Variants in LARP4 observed in about 807,000 individuals in gnomAD.
LARP4 encodes La ribonucleoprotein 4, also known as la-related protein 4.
Under a neutral mutation model 92.9 loss-of-function variants are expected in LARP4, and 29 were observed. The observed-to-expected ratio is 0.31, with a 90% CI of 0.23 to 0.43. The LOEUF is 0.43. Ranked by LOEUF, LARP4 falls within the 20% of genes least tolerant of loss-of-function variation. The pLI is 1.00. For synonymous variants in LARP4, 279 were observed against 284.1 expected (o/e 0.98, Z 0.18); for missense variants, 732 against 860.0 (o/e 0.85, Z 1.86).
At chr12:50,448,992 G>A (rs916360808) in intron 8 of LARP4, among the ~76,000 whole-genome samples, 3 of 151,936 alleles carry the variant, frequency 2.0e-5, no homozygotes, top group African/African-American at 7.3e-5. Context: ...GCTCGTTCCT[G>A]TAATTCCAGC....
At chr12:50,462,543 C>CGG in intron 11 of LARP4, 39 bp from the exon 12 acceptor site, 3 of 1,044,726 alleles carry the variant, frequency 2.9e-6, no homozygotes, top group South Asian at 1.3e-5. Flanking sequence ...TGACTTGTCC[C>CGG]TCCACCCCAC....
chr12:50,449,446 T>C (rs1952759138), intron 8 of LARP4, among the ~76,000 whole-genome samples: 1 of 152,168 alleles, frequency 6.6e-6, no homozygotes, highest in Admixed American at 6.6e-5. Context: ...AATTGGTCGC[T>C]AGATCTTTTT....
intron 13 of LARP4, among the ~76,000 whole-genome samples, chr12:50,469,432 G>A (rs1321641546): frequency 2.6e-5 from 4 of 151,884 alleles, no homozygotes; most frequent in African/African-American, 4.8e-5. Context: ...GTGAAACTCC[G>A]TCTCTACTAG....
intron 1 of LARP4, among the ~76,000 whole-genome samples, chr12:50,423,481 C>T (rs917448037): frequency 1.3e-5 from 2 of 152,072 alleles, no homozygotes; most frequent in African/African-American, 4.8e-5. Flanking sequence ...CGGAGTCTTG[C>T]TCTGTTGCCC....
chr12:50,474,019 A>T lies in LARP4; in HGVS notation c.1688A>T (p.Asp563Val). 2 of 1,611,934 alleles carry T rather than the reference A, an allele frequency of 1.2e-6. No homozygotes were observed. The highest frequency in any genetic ancestry group is 1.7e-6 in the Non-Finnish European group (2 of 1,179,890). ...TALSTTQQEK[D>V]LIEDSSVQKD... ...CTTAGCACAACTCAGCAAGAAAAGG[A>T]TCTAATAGAAGATTCCTCTGTTCAG... Residue 563 changes from aspartate (D) to valine (V), a missense_variant, in exon 15 of 16, where the codon GAT becomes GTT. Around this residue, in one of 7 missense-constraint regions of LARP4, gnomAD observed 97 missense variants for 85.9 expected, o/e 1.13. Transcript: ENST00000398473.
chr12:50,412,499 C>G, intron 1 of LARP4: 1 of 773,992 alleles, frequency 1.3e-6, no homozygotes, highest in Non-Finnish European at 1.6e-6. Flanking sequence ...ACGGTTTTAC[C>G]ATATTTATGG....
At chr12:50,453,745 G>C (rs1328757955) in intron 9 of LARP4, 73 bp downstream of exon 9, 1 of 964,774 alleles carries the variant, frequency 1.0e-6, no homozygotes, top group Non-Finnish European at 1.5e-6. Context: ...ATCAGTTGGA[G>C]TGGGAGCTCA....
At position 50,475,763 on chromosome 12, in the gene LARP4, A is replaced by T; in HGVS notation, c.2074A>T (p.Ile692Phe). The T allele has an allele frequency of 1.2e-6, 2 of 1,614,186 alleles. No homozygotes were observed. The highest frequency in any genetic ancestry group is 1.7e-6 in the Non-Finnish European group (2 of 1,180,038). Reference sequence around the variant, plus strand: ...AATCCCCAGGGGAGCAGCAGGAAAAATCAGGGAACAGAGACGCCAGTTTAG... The same window carrying T: ...AATCCCCAGGGGAGCAGCAGGAAAATTCAGGGAACAGAGACGCCAGTTTAG... ...NIIPRGAAGK[I>F]REQRRQFSHR... Residue 692 changes from isoleucine (I) to phenylalanine (F), a missense_variant, in exon 16 of 16, where the codon ATC becomes TTC. Coordinates refer to ENST00000398473, the MANE Select transcript of LARP4 (RefSeq NM_052879.5).
At chr12:50,448,505 G>A (rs963263356) in intron 8 of LARP4, among the ~76,000 whole-genome samples, 1 of 152,070 alleles carries the variant, frequency 6.6e-6, no homozygotes, top group Non-Finnish European at 1.5e-5. Context: ...AATAAATTAA[G>A]ATTTGTATCT....
chr12:50,455,795 T>C (rs1390417364), intron 10 of LARP4, among the ~76,000 whole-genome samples: 1 of 152,160 alleles, frequency 6.6e-6, no homozygotes, highest in African/African-American at 2.4e-5. Context: ...ATTTTACTAC[T>C]AAACATAAAC....
intron 8 of LARP4, among the ~76,000 whole-genome samples, chr12:50,451,662 C>A (rs1322713803): frequency 1.3e-5 from 2 of 152,166 alleles, no homozygotes; most frequent in Non-Finnish European, 2.9e-5. Flanking sequence ...GGGTGAAACC[C>A]CGTCTCTACT....
chr12:50,402,927 A>G lies in LARP4; in HGVS notation c.18+1899A>G, dbSNP rs78770116. ...TTCTTCATTTTCTCATATGAGTTTT[A>G]TTGAAAATTAACTGTCTTTAAATAT... On this transcript the variant is annotated intron_variant, in intron 1 of 15. Coordinates refer to ENST00000398473, the MANE Select transcript of LARP4 (RefSeq NM_052879.5). 9.0e-4 allele frequency: 355 copies of G among 395,916 alleles called. 1 individual carries two copies. The highest frequency in any genetic ancestry group is 6.9e-3 in the African/African-American group (330 of 47,562). 24.5% of individuals were successfully genotyped at this position (395,916 alleles called of 1,614,324 possible). A position where few individuals can be genotyped will look rare whatever the true frequency, so the allele number is the denominator to read the frequency against.
At chr12:50,440,875 G>A (rs1343505380) in intron 7 of LARP4, among the ~76,000 whole-genome samples, 2 of 150,982 alleles carry the variant, frequency 1.3e-5, no homozygotes, top group African/African-American at 4.9e-5. Context: ...ATTTTGACTT[G>A]ATGGTTTTAT....
Position 50,400,901 on chromosome 12 carries a change from G to T in LARP4, c.-110G>T. ...CAGGGGAGGAGCCGGGTCCACTGCC[G>T]GGTGGAGGGGCAAGGCGAGTGTGTG... On this transcript the variant is annotated 5_prime_UTR_variant, in exon 1 of 16. Transcript: ENST00000398473. 4 of 1,486,156 alleles carry T rather than the reference G, an allele frequency of 2.7e-6. No homozygotes were observed. The Admixed American group carries it at 6.7e-5, about 25-fold the overall frequency. 92.1% of individuals were successfully genotyped at this position (1,486,156 alleles called of 1,614,324 possible).
chr12:50,425,773 G>A (rs960536204), intron 1 of LARP4, among the ~76,000 whole-genome samples: 6 of 152,122 alleles, frequency 3.9e-5, no homozygotes, highest in Admixed American at 1.3e-4. Flanking sequence ...CTACTAGTTT[G>A]TCACTGGAAC....
intron 1 of LARP4, chr12:50,402,786 A>C (rs1326660289): frequency 2.2e-6 from 1 of 455,806 alleles, no homozygotes; most frequent in Non-Finnish European, 4.4e-6. Flanking sequence ...ACGGGATGTT[A>C]GCAATTCAGG....
Position 50,441,621 on chromosome 12 carries a change from C to T in LARP4, c.782C>T (p.Thr261Ile). 6.2e-7 allele frequency: 1 copy of T among 1,600,496 alleles called. No individual in the cohort carries two copies. Reference protein sequence around the residue: ...AFKYLREEVKTFQGKPIMARI... With the variant: ...AFKYLREEVKIFQGKPIMARI... ...AAATACTTAAGAGAAGAAGTTAAAA[C>T]ATTTCAGGGCAAGCCAATTATGGTA... Residue 261 changes from threonine (T) to isoleucine (I), a missense_variant, in exon 8 of 16, where the codon ACA (threonine) becomes ATA (isoleucine). By Grantham distance (89) the Thr-to-Ile change is moderately conservative. This residue lies in a region of LARP4 where 236 missense variants were observed against 307.6 expected (regional missense o/e 0.77). Coordinates refer to ENST00000398473, the MANE Select transcript of LARP4 (RefSeq NM_052879.5).
chr12:50,400,916 G>A lies in LARP4; in HGVS notation c.-95G>A. The A allele has an allele frequency of 1.3e-6, 2 of 1,563,548 alleles. No homozygotes were observed. The highest frequency in any genetic ancestry group is 2.2e-5 in the East Asian group (1 of 44,634). ...GTCCACTGCCGGGTGGAGGGGCAAG[G>A]CGAGTGTGTGTCCTTATCCTAGCAA... On this transcript the variant is annotated 5_prime_UTR_variant, in exon 1 of 16. Transcript: ENST00000398473.
intron 1 of LARP4, among the ~76,000 whole-genome samples, chr12:50,403,082 C>T (rs1944168910): frequency 1.3e-5 from 2 of 152,204 alleles, no homozygotes; most frequent in African/African-American, 2.4e-5. Context: ...AACCAAAGCT[C>T]AGAAGTTAGA....
Sources: allele counts gnomAD v4.1 joint callset (sites outside exome capture counted in the v4.1 genomes callset), GRCh38; gene constraint gnomAD v4.1.1; regional missense constraint gnomAD v4.1.1; transcripts MANE v1.5; gene names NCBI Gene and HGNC (gene_info 2026-07-23, HGNC 2026-07-21).